LDAF1: variants seen among roughly 807,000 people sequenced by gnomAD.
The protein encoded by LDAF1 is lipid droplet assembly factor 1.
LDAF1 carries 7 observed loss-of-function variants against 13.5 expected under a neutral mutation model. The observed-to-expected ratio is 0.52, with a 90% CI of 0.29 to 0.97. LDAF1 has a LOEUF of 0.97. Ranked by LOEUF, LDAF1 falls within the 50% of genes least tolerant of loss-of-function variation. The probability of loss-of-function intolerance (pLI) is 0.07; values close to 1 mark genes in which losing one functional copy is unlikely to be tolerated. For synonymous variants in LDAF1, 69 were observed against 77.1 expected, an observed-to-expected ratio of 0.89 and a Z score of 0.55; for missense variants, 148 against 193.2, an observed-to-expected ratio of 0.77 and a Z score of 1.39.
At chr16:21,165,696 G>C in intron 2 of LDAF1, 1 of 808,730 alleles carries the variant, frequency 1.2e-6, no homozygotes, top group Non-Finnish European at 1.5e-6. Flanking sequence ...CTTTAATCAT[G>C]TCATAGTTCT....
intron 2 of LDAF1, among the ~76,000 whole-genome samples, chr16:21,167,899 G>C (rs148857180): frequency 2.7e-5 from 4 of 149,430 alleles, no homozygotes; most frequent in African/African-American, 4.9e-5. Flanking sequence ...CCAGCTACTC[G>C]GGAGGCTGAG....
intron 3 of LDAF1, chr16:21,173,328 T>C (rs2093107237): frequency 6.6e-6 from 1 of 152,468 alleles, no homozygotes; most frequent in Admixed American, 6.6e-5. Flanking sequence ...CCCCCAGTAC[T>C]GCCTTGGCTG....
At chr16:21,172,940 G>T in intron 3 of LDAF1, 6 of 550,852 alleles carry the variant, frequency 1.1e-5, no homozygotes, top group Non-Finnish European at 1.4e-5. Flanking sequence ...GCAAAGGGAA[G>T]GATGTCAGCC....
At position 21,179,241 on chromosome 16, in the gene LDAF1, A is replaced by G. The variant is rs1488011907; in HGVS notation, c.405-234A>G. The G allele has an allele frequency of 1.2e-5, 6 of 491,816 alleles. No individual in the cohort carries two copies. In the South Asian group the frequency reaches 5.3e-4, roughly 43 times the overall value. 30.5% of individuals were successfully genotyped at this position (491,816 alleles called of 1,614,324 possible). On this transcript the variant is annotated intron_variant, in intron 4 of 4. Coordinates refer to ENST00000233047, the MANE Select transcript of LDAF1 (RefSeq NM_001301771.2). ...GACACAGATAATTAAGAAAAACATA[A>G]TAAATATCCAAATTAGAAAATGGAA...
intron 3 of LDAF1, 65 bp downstream of exon 3, chr16:21,170,670 C>T: frequency 6.3e-7 from 1 of 1,597,680 alleles, no homozygotes; most frequent in Admixed American, 1.7e-5. Flanking sequence ...ACTTTTGGGG[C>T]CATTTAAAAA....
At chr16:21,162,073 T>A (rs2092981000) in intron 2 of LDAF1, among the ~76,000 whole-genome samples, 1 of 152,050 alleles carries the variant, frequency 6.6e-6, no homozygotes, top group African/African-American at 2.4e-5. Flanking sequence ...GGAGAATCAC[T>A]TGAACCCAGG....
rs1248975144 is a variant in LDAF1 at position 21,165,736 on chromosome 16, T to TC, written c.96+4458_96+4459insC. The TC allele has an allele frequency of 6.7e-5, 34 of 505,054 alleles. No individual in the cohort carries two copies. In the Admixed American group the frequency reaches 1.3e-3, roughly 19 times the overall value. 31.3% of individuals were successfully genotyped at this position (505,054 alleles called of 1,614,324 possible). On this transcript the variant is annotated intron_variant, in intron 2 of 4. Coordinates refer to ENST00000233047, the MANE Select transcript of LDAF1 (RefSeq NM_001301771.2). ...AAATGACAGCAGTTTGTTCCCTGTT[T>TC]TTTTTTTCCCAGATGAAATTTAAAT...
Position 21,168,992 on chromosome 16 carries a change from TATATA to T in LDAF1, c.97-1442_97-1438del, listed in dbSNP as rs1377302360. Among the ~76,000 whole-genome samples the T allele has an allele frequency of 2.5e-3, 275 of 109,074 alleles. 1 individual carries two copies. The highest frequency in any genetic ancestry group is 4.9e-3 in the Middle Eastern group (1 of 204). The allele number at this position is 109,074 out of a possible 152,430, so 71.6% of individuals were successfully genotyped here. On this transcript the variant is annotated intron_variant, in intron 2 of 4. Transcript: ENST00000233047. ...ATTATATTATATATAATTATAAACA[TATATA>T]ATTATTATATTATAATTATAATTAT... is the stretch of plus-strand genomic sequence containing the variant.
At chr16:21,166,481 CAGG>C (rs1312419590) in intron 2 of LDAF1, among the ~76,000 whole-genome samples, 1 of 152,186 alleles carries the variant, frequency 6.6e-6, no homozygotes, top group Non-Finnish European at 1.5e-5. Context: ...CCATCAGTCA[CAGG>C]AGGAGCATTT....
chr16:21,164,146 A>G (rs561578679), intron 2 of LDAF1, among the ~76,000 whole-genome samples: 1 of 152,284 alleles, frequency 6.6e-6, no homozygotes, highest in South Asian at 2.1e-4. Context: ...GTTCTCAAAT[A>G]CTGGCCACTT....
At chr16:21,160,027 T>G in intron 1 of LDAF1, 12 of 939,304 alleles carry the variant, frequency 1.3e-5, no homozygotes, top group Non-Finnish European at 1.5e-5. Context: ...GCAGAGGATG[T>G]CTAGCTGGGA....
In LDAF1 at chr16:21,161,193, A is replaced by C. The variant is rs1338829869; in HGVS notation, c.11A>C (p.Glu4Ala). The change falls in exon 2 of 5, where the codon GAG (glutamate) becomes GCG (alanine). Residue 4 changes from glutamate to alanine, a missense_variant. Glu to Ala is a moderately radical substitution (Grantham distance 107). Transcript: ENST00000233047. MAK[E>A]EPQSISRDLQ... is the part of the protein sequence containing the mutation. ...GAAGTGAGCTTCAGAATGGCAAAAG[A>C]GGAGCCCCAGAGTATCTCAAGGGAC... 6.2e-7 allele frequency: 1 copy of C among 1,614,168 alleles called. No homozygotes were observed. The highest frequency in any genetic ancestry group is 8.5e-7 in the Non-Finnish European group (1 of 1,180,022).
chr16:21,159,939 G>C, intron 1 of LDAF1: 1 of 985,322 alleles, frequency 1.0e-6, no homozygotes, highest in Non-Finnish European at 1.2e-6. Context: ...GCTTCAAAGA[G>C]AGAATGTGGG....
intron 3 of LDAF1, 60 bp downstream of exon 3, chr16:21,170,665 TG>T: frequency 6.2e-7 from 1 of 1,602,874 alleles, no homozygotes; most frequent in Non-Finnish European, 8.5e-7. Context: ...AAAATACTTT[TG>T]GGGCCATTTA....
In LDAF1 at chr16:21,180,009, AT is replaced by A. The variant is rs2093169185; in HGVS notation, c.*456del. 1 of 156,022 alleles carries A rather than the reference AT, an allele frequency of 6.4e-6. No homozygotes were observed. Among genetic ancestry groups the A allele is most frequent in the South Asian group, 1.9e-4 (1 of 5,208 alleles). The allele number at this position is 156,022 out of a possible 1,614,324, so 9.7% of individuals were successfully genotyped here. A position where few individuals can be genotyped will look rare whatever the true frequency, so the allele number is the denominator to read the frequency against. ...AAAACAGAACAAGCCCTTCTGTGGT[AT>A]TTGCTTTTTATCAGAAAGAACAGCA... On this transcript the variant is annotated 3_prime_UTR_variant, in exon 5 of 5. Transcript: ENST00000233047.
At chr16:21,160,819 C>G (rs900067872) in intron 1 of LDAF1, among the ~76,000 whole-genome samples, 9 of 152,136 alleles carry the variant, frequency 5.9e-5, no homozygotes, top group African/African-American at 1.9e-4. Flanking sequence ...TAGCTACTTT[C>G]CAATGTTTTG....
chr16:21,160,077 C>G (rs1370012148), intron 1 of LDAF1: 1 of 531,636 alleles, frequency 1.9e-6, no homozygotes, highest in Non-Finnish European at 2.4e-6. Flanking sequence ...AGACCCTGTA[C>G]AGCTTAGTAG....
Position 21,160,036 on chromosome 16 carries a change from G to T in LDAF1, c.-98-1049G>T, listed in dbSNP as rs534006234. The T allele has an allele frequency of 9.1e-5, 84 of 921,634 alleles. No individual in the cohort carries two copies. The African/African-American group carries it at 1.4e-3, about 16-fold the overall frequency. 57.1% of individuals were successfully genotyped at this position (921,634 alleles called of 1,614,324 possible). A position where few individuals can be genotyped will look rare whatever the true frequency, so the allele number is the denominator to read the frequency against. ...GAAGTAGCAGAGGATGTCTAGCTGGGATGATTAAAATGTGCTTTAATTTGC... is the reference window on the plus strand; with the variant it reads ...GAAGTAGCAGAGGATGTCTAGCTGGTATGATTAAAATGTGCTTTAATTTGC... On this transcript the variant is annotated intron_variant, in intron 1 of 4. Coordinates refer to ENST00000233047, the MANE Select transcript of LDAF1 (RefSeq NM_001301771.2).
At chr16:21,167,983 G>A (rs1248253408) in intron 2 of LDAF1, among the ~76,000 whole-genome samples, 2 of 146,140 alleles carry the variant, frequency 1.4e-5, no homozygotes, top group South Asian at 4.3e-4. Flanking sequence ...TCCAGCCTGG[G>A]CGACAAGAGC....
Sources: allele counts gnomAD v4.1 joint callset (sites outside exome capture counted in the v4.1 genomes callset), GRCh38; gene constraint gnomAD v4.1.1; transcripts MANE v1.5; gene names NCBI Gene and HGNC (gene_info 2026-07-23, HGNC 2026-07-21).